IPMK: variants seen among roughly 807,000 people sequenced by gnomAD.
IPMK encodes inositol polyphosphate multikinase.
Under a neutral mutation model 45.8 loss-of-function variants are expected in IPMK, and 17 were observed. That is an observed-to-expected ratio of 0.37 (90% confidence interval 0.25 to 0.56). IPMK has a LOEUF of 0.56. Among genes scored for constraint, IPMK ranks in the 20% least tolerant of loss-of-function variants. The pLI is 0.79. For synonymous variants in IPMK, 180 were observed against 184.3 expected, an observed-to-expected ratio of 0.98 and a Z score of 0.19; for missense variants, 399 against 498.0, an observed-to-expected ratio of 0.80 and a Z score of 1.89.
chr10:58,249,298 G>A (rs867513190), intron 1 of IPMK, among the ~76,000 whole-genome samples: 14 of 152,140 alleles, frequency 9.2e-5, no homozygotes, highest in African/African-American at 2.9e-4. Flanking sequence ...ATAGCTCACT[G>A]CAGCCTCCAT....
At chr10:58,261,590 TG>T (rs1839068303) in intron 1 of IPMK, among the ~76,000 whole-genome samples, 1 of 151,672 alleles carries the variant, frequency 6.6e-6, no homozygotes, top group African/African-American at 2.4e-5. Flanking sequence ...AACTTTTGTT[TG>T]TTTTTTTTTT....
intron 1 of IPMK, among the ~76,000 whole-genome samples, chr10:58,260,834 A>G (rs1453861737): frequency 1.3e-5 from 2 of 152,186 alleles, no homozygotes; most frequent in African/African-American, 2.4e-5. Context: ...TTGCAAATAA[A>G]TCGATTCTCA....
Position 58,213,439 on chromosome 10 carries a change from C to T in IPMK, c.546+2706G>A, listed in dbSNP as rs1588955369. 3.9e-5 allele frequency among the ~76,000 whole-genome samples: 6 copies of T among 152,330 alleles called. No homozygotes were observed. The South Asian group carries it at 1.2e-3, about 32-fold the overall frequency. The stretch of plus-strand genomic sequence containing the variant: ...GTGGCTCACGCCTGTAATCCCAACA[C>T]TATGGGAGGCCAAGGCGGGCGGATC... On this transcript the variant is annotated intron_variant, in intron 4 of 5. Transcript: ENST00000373935.
chr10:58,229,616 T>C (rs1312307020), intron 2 of IPMK, among the ~76,000 whole-genome samples: 1 of 120,498 alleles, frequency 8.3e-6, no homozygotes, highest in African/African-American at 3.5e-5. Flanking sequence ...CATTAACAAA[T>C]AAAATAAAAA....
chr10:58,201,882 G>C (rs986162953), intron 4 of IPMK, among the ~76,000 whole-genome samples: 1 of 152,142 alleles, frequency 6.6e-6, no homozygotes, highest in Non-Finnish European at 1.5e-5. Context: ...CTAATATGAA[G>C]AAAGTGTTAG....
intron 2 of IPMK, among the ~76,000 whole-genome samples, chr10:58,229,562 C>CAA (rs574403627): frequency 1.4e-5 from 1 of 72,992 alleles, no homozygotes; most frequent in Non-Finnish European, 2.5e-5. Flanking sequence ...GACCACGTCT[C>CAA]AAAAAAAAAA....
chr10:58,227,028 T>G lies in IPMK; in HGVS notation c.373+15A>C. The G allele has an allele frequency of 6.4e-7, 1 of 1,562,934 alleles. No individual in the cohort carries two copies. Among genetic ancestry groups the G allele is most frequent in the Non-Finnish European group, 8.8e-7 (1 of 1,137,486 alleles). ...ATGAATTAAAACTGAAAGATAATTT[T>G]TATGACAAGATTACCGTTTGGTGCA... is the stretch of plus-strand genomic sequence containing the variant. On this transcript the variant is annotated intron_variant, in intron 3 of 5. Transcript: ENST00000373935.
Position 58,267,473 on chromosome 10 carries a change from C to T in IPMK, c.139G>A (p.Val47Met), listed in dbSNP as rs151155800. The T allele has an allele frequency of 1.1e-5, 18 of 1,613,548 alleles. No homozygotes were observed. Among genetic ancestry groups the T allele is most frequent in the Middle Eastern group, 1.6e-4 (1 of 6,074 alleles). ...CCGGCCACCTGATGCGAGAGGGGCA[C>T]GCAGCCGTTGAGGAAGCGGAGTCTG... The part of the protein sequence containing the change: ...GGRLRFLNGC[V>M]PLSHQVAGHM... The change falls in exon 1 of 6, where the codon GTG becomes ATG. Residue 47 changes from valine (V) to methionine (M), a missense_variant. This residue lies in a region of IPMK where 111 missense variants were observed against 99.9 expected (regional missense o/e 1.11). Coordinates refer to ENST00000373935, the MANE Select transcript of IPMK (RefSeq NM_152230.5).
chr10:58,220,087 C>G (rs1390473707), intron 3 of IPMK, among the ~76,000 whole-genome samples: 3 of 152,192 alleles, frequency 2.0e-5, no homozygotes, highest in Non-Finnish European at 2.9e-5. Context: ...ATATCTGATA[C>G]AAGCTTGGTC....
At chr10:58,205,791 T>C (rs1838061300) in intron 4 of IPMK, among the ~76,000 whole-genome samples, 1 of 152,300 alleles carries the variant, frequency 6.6e-6, no homozygotes, top group East Asian at 1.9e-4. Context: ...AATTCATCCA[T>C]GTAACAACAA....
intron 5 of IPMK, among the ~76,000 whole-genome samples, chr10:58,198,028 G>GAAAACAAAAAAC (rs1837934938): frequency 6.6e-6 from 1 of 151,942 alleles, no homozygotes; most frequent in South Asian, 2.1e-4. Context: ...AGACTGTCTT[G>GAAAACAAAAAAC]AAAACAAAAA....
chr10:58,231,699 A>G (rs1377379200), intron 2 of IPMK, among the ~76,000 whole-genome samples: 1 of 152,180 alleles, frequency 6.6e-6, no homozygotes, highest in Non-Finnish European at 1.5e-5. Flanking sequence ...GAAAGAAACA[A>G]CCAGTACCAG....
At chr10:58,248,365 T>C (rs1838833270) in intron 1 of IPMK, among the ~76,000 whole-genome samples, 1 of 152,190 alleles carries the variant, frequency 6.6e-6, no homozygotes, top group African/African-American at 2.4e-5. Context: ...GGATTACAAA[T>C]ATTAAAAATA....
At chr10:58,243,100 A>ATAG (rs755894653) in intron 1 of IPMK, among the ~76,000 whole-genome samples, 5 of 152,148 alleles carry the variant, frequency 3.3e-5, no homozygotes, top group Non-Finnish European at 7.3e-5. Context: ...GTAGTTCTTT[A>ATAG]TAGCAGTGTG....
At chr10:58,239,811 G>C (rs1838669602) in intron 1 of IPMK, among the ~76,000 whole-genome samples, 1 of 152,092 alleles carries the variant, frequency 6.6e-6, no homozygotes. Flanking sequence ...GATAAAAAAG[G>C]AGGCACCTTG....
At chr10:58,264,627 C>T (rs1367140283) in intron 1 of IPMK, among the ~76,000 whole-genome samples, 2 of 152,066 alleles carry the variant, frequency 1.3e-5, no homozygotes, top group East Asian at 3.8e-4. Context: ...ACACAACGTG[C>T]AAGGTATGCT....
chr10:58,237,757 C>A lies in IPMK; in HGVS notation c.248G>T (p.Gly83Val). Residue 83 changes from glycine (G) to valine (V), a missense_variant, in exon 2 of 6, where the codon GGC (glycine) becomes GTC (valine). Around this residue, in one of 2 missense-constraint regions of IPMK, gnomAD observed 288 missense variants for 398.0 expected, o/e 0.72. Transcript: ENST00000373935. The stretch of plus-strand genomic sequence containing the variant: ...ATTATAGAATTCCAGCTCTCTTGGG[C>A]CCCTTGGAGGTGGTTGTAACTGTTT... Reference protein sequence around the residue: ...VLKQLQPPPRGPRELEFYNMV... With the variant: ...VLKQLQPPPRVPRELEFYNMV... 1.2e-6 allele frequency: 2 copies of A among 1,613,186 alleles called. No individual in the cohort carries two copies. The highest frequency in any genetic ancestry group is 1.7e-6 in the Non-Finnish European group (2 of 1,179,538).
intron 2 of IPMK, among the ~76,000 whole-genome samples, chr10:58,228,682 C>T (rs997329504): frequency 3.9e-5 from 6 of 152,120 alleles, no homozygotes; most frequent in African/African-American, 7.2e-5. Flanking sequence ...TACAGGCGTC[C>T]GCCACCACAC....
chr10:58,214,437 G>C (rs180853070), intron 4 of IPMK, among the ~76,000 whole-genome samples: 7 of 152,326 alleles, frequency 4.6e-5, no homozygotes, highest in African/African-American at 1.7e-4. Context: ...GAAAACAGTG[G>C]AGGCTTAAAT....
Sources: allele counts gnomAD v4.1 joint callset (sites outside exome capture counted in the v4.1 genomes callset), GRCh38; gene constraint gnomAD v4.1.1; regional missense constraint gnomAD v4.1.1; transcripts MANE v1.5; gene names NCBI Gene and HGNC (gene_info 2026-07-23, HGNC 2026-07-21).